PTPRD: variants seen among roughly 807,000 people sequenced by gnomAD.
PTPRD encodes the protein protein tyrosine phosphatase receptor type D.
Under a neutral mutation model 214.5 loss-of-function variants are expected in PTPRD, and 34 were observed. The ratio of observed to expected loss-of-function variants is 0.16; its 90% CI spans 0.12 to 0.21. PTPRD has a LOEUF of 0.21. Among genes scored for constraint, PTPRD ranks in the 10% least tolerant of loss-of-function variants. The pLI is 1.00. For missense variants in PTPRD, 2,545 were observed against 2,398.7 expected, an observed-to-expected ratio of 1.06 and a Z score of -1.27; for synonymous variants, 1,128 against 845.7, an observed-to-expected ratio of 1.33 and a Z score of -5.79.
chr9:9,190,228 T>A (rs1413043827), intron 9 of PTPRD, among the ~76,000 whole-genome samples: 1 of 151,992 alleles, frequency 6.6e-6, no homozygotes, highest in Admixed American at 6.6e-5. Context: ...AGGAGTGAGC[T>A]CTTGATAAAA....
intron 11 of PTPRD, among the ~76,000 whole-genome samples, chr9:8,840,893 T>C (rs1283525055): frequency 6.6e-6 from 1 of 152,206 alleles, no homozygotes; most frequent in Non-Finnish European, 1.5e-5. Context: ...CTACAGTGCA[T>C]GTAACGATAT....
chr9:8,557,455 T>TATATATATATATATACATACACATAC, intron 14 of PTPRD, among the ~76,000 whole-genome samples: 2 of 135,630 alleles, frequency 1.5e-5, no homozygotes, highest in African/African-American at 6.9e-5. Flanking sequence ...TATATATATA[T>TATATATATATATATACATACACATAC]ATTTGGGCCG....
At chr9:10,117,792 T>C (rs1340849699) in intron 3 of PTPRD, among the ~76,000 whole-genome samples, 1 of 151,918 alleles carries the variant, frequency 6.6e-6, no homozygotes, top group Non-Finnish European at 1.5e-5. Context: ...TAAAAAAAAA[T>C]CTTGAAATTT....
chr9:10,486,618 C>T (rs2132449325), intron 2 of PTPRD, among the ~76,000 whole-genome samples: 1 of 152,160 alleles, frequency 6.6e-6, no homozygotes, highest in Admixed American at 6.5e-5. Flanking sequence ...GAACAGTTTC[C>T]TAAACTCTTT....
At chr9:9,013,049 G>C (rs1396370828) in intron 11 of PTPRD, among the ~76,000 whole-genome samples, 4 of 152,060 alleles carry the variant, frequency 2.6e-5, no homozygotes, top group Non-Finnish European at 5.9e-5. Context: ...GACGTTAAAG[G>C]GGGGGATGCA....
intron 8 of PTPRD, among the ~76,000 whole-genome samples, chr9:9,427,115 G>T (rs1400675373): frequency 6.6e-6 from 1 of 152,122 alleles, no homozygotes; most frequent in South Asian, 2.1e-4. Context: ...AAACTTCTCC[G>T]AGCTAAAGGA....
intron 5 of PTPRD, among the ~76,000 whole-genome samples, chr9:9,889,801 GTGTGTGTGTGTA>G (rs1012442118): frequency 2.0e-5 from 3 of 151,034 alleles, no homozygotes; most frequent in African/African-American, 7.4e-5. Context: ...GTGTGTGTGT[GTGTGTGTGTGTA>G]TGTGTGTGTG....
chr9:8,712,012 T>C (rs969510524), intron 12 of PTPRD, among the ~76,000 whole-genome samples: 4 of 152,196 alleles, frequency 2.6e-5, no homozygotes, highest in Non-Finnish European at 4.4e-5. Flanking sequence ...CTACATGTAA[T>C]TGTAGTAATG....
intron 9 of PTPRD, among the ~76,000 whole-genome samples, chr9:9,300,931 C>T (rs531746639): frequency 2.6e-5 from 4 of 151,850 alleles, no homozygotes; most frequent in Non-Finnish European, 5.9e-5. Context: ...CAATTATCTA[C>T]CTGTTTTGTG....
intron 3 of PTPRD, among the ~76,000 whole-genome samples, chr9:10,301,321 C>A (rs2095855754): frequency 6.6e-6 from 1 of 152,132 alleles, no homozygotes; most frequent in Non-Finnish European, 1.5e-5. Flanking sequence ...GAAACCAGCA[C>A]AAAAAGGCTG....
chr9:9,790,828 T>C (rs1382382504), intron 5 of PTPRD, among the ~76,000 whole-genome samples: 1 of 152,030 alleles, frequency 6.6e-6, no homozygotes, highest in Middle Eastern at 3.2e-3. Context: ...AGTATGACAA[T>C]AGGCAATAAA....
Position 8,436,697 on chromosome 9 carries a change from A to G in PTPRD, c.3989-8T>C, listed in dbSNP as rs1157525150. 9.4e-6 allele frequency: 15 copies of G among 1,600,736 alleles called. No homozygotes were observed. Among genetic ancestry groups the G allele is most frequent in the Non-Finnish European group, 1.1e-5 (13 of 1,168,960 alleles). The stretch of plus-strand genomic sequence containing the variant: ...GAGGATGGCTAGCCATACCTATTGA[A>G]AAAAGCAAAGAAGAAACACATTTGA... On this transcript the variant is annotated splice_polypyrimidine_tract_variant and splice_region_variant and intron_variant, in intron 34 of 45. Coordinates refer to ENST00000381196, the MANE Select transcript of PTPRD (RefSeq NM_002839.4).
chr9:9,824,804 T>A (rs1036197251), intron 5 of PTPRD, among the ~76,000 whole-genome samples: 1 of 152,060 alleles, frequency 6.6e-6, no homozygotes, highest in Non-Finnish European at 1.5e-5. Context: ...TCATTTAAAA[T>A]CTTGCCTGGT....
chr9:10,062,495 A>G (rs1199291679), intron 3 of PTPRD, among the ~76,000 whole-genome samples: 1 of 152,036 alleles, frequency 6.6e-6, no homozygotes, highest in African/African-American at 2.4e-5. Context: ...AATCACAGCT[A>G]TTTGGTAGGC....
At chr9:9,496,825 A>T (rs1326251367) in intron 8 of PTPRD, among the ~76,000 whole-genome samples, 1 of 152,246 alleles carries the variant, frequency 6.6e-6, no homozygotes, top group Non-Finnish European at 1.5e-5. Flanking sequence ...CATTATTCAC[A>T]GTAGCTAAAA....
At chr9:9,628,743 T>C (rs2095497822) in intron 7 of PTPRD, among the ~76,000 whole-genome samples, 1 of 152,120 alleles carries the variant, frequency 6.6e-6, no homozygotes, top group African/African-American at 2.4e-5. Flanking sequence ...TCTCAGGTTT[T>C]TCCATGATTA....
intron 37 of PTPRD, among the ~76,000 whole-genome samples, chr9:8,377,439 A>C (rs1364240147): frequency 1.3e-5 from 2 of 152,094 alleles, no homozygotes; most frequent in African/African-American, 4.8e-5. Context: ...TTTTCAGCCT[A>C]ATTAGTTTAA....
chr9:9,965,480 C>A (rs1419284656), intron 4 of PTPRD, among the ~76,000 whole-genome samples: 1 of 152,124 alleles, frequency 6.6e-6, no homozygotes, highest in Admixed American at 6.6e-5. Flanking sequence ...TAATGTTAGA[C>A]AATGAGATTG....
intron 7 of PTPRD, among the ~76,000 whole-genome samples, chr9:9,585,811 G>T (rs1159432472): frequency 6.6e-6 from 1 of 151,996 alleles, no homozygotes; most frequent in Non-Finnish European, 1.5e-5. Context: ...ATTTGCCAGA[G>T]ACTCAAAGGT....
Sources: allele counts gnomAD v4.1 joint callset (sites outside exome capture counted in the v4.1 genomes callset), GRCh38; gene constraint gnomAD v4.1.1; transcripts MANE v1.5; gene names NCBI Gene and HGNC (gene_info 2026-07-23, HGNC 2026-07-21).